The following CCDC144A variants were observed in gnomAD, a reference collection of about 807,000 sequenced individuals.
CCDC144A encodes the protein coiled-coil domain-containing protein 144A.
CCDC144A carries 41 observed loss-of-function variants against 143.8 expected under a neutral mutation model. The ratio of observed to expected loss-of-function variants is 0.29; its 90% CI spans 0.22 to 0.37. The LOEUF is 0.37. Ranked by LOEUF, CCDC144A falls within the 10% of genes least tolerant of loss-of-function variation. The pLI, the probability that CCDC144A is intolerant of heterozygous loss-of-function variation, is 1.00. For synonymous variants in CCDC144A, 242 were observed against 517.9 expected (o/e 0.47, Z 7.23); for missense variants, 637 against 1,488.8 (o/e 0.43, Z 9.41).
chr17:16,670,448 A>G, the CCDC144A span, among the ~76,000 whole-genome samples: 1 of 150,434 alleles, frequency 6.6e-6, no homozygotes, highest in East Asian at 2.0e-4. Context: ...TGTTTTTAGT[A>G]TAATCCCTAT....
intron 12 of CCDC144A, chr17:16,746,208 T>C (rs1201678169): frequency 4.1e-6 from 6 of 1,449,900 alleles, no homozygotes; most frequent in Non-Finnish European, 3.8e-6. Context: ...TTCTGGTTTC[T>C]TAAGAAGCTT....
the CCDC144A span, among the ~76,000 whole-genome samples, chr17:16,674,250 C>T: frequency 6.6e-6 from 1 of 151,816 alleles, no homozygotes; most frequent in Non-Finnish European, 1.5e-5. Context: ...CTCATCTCTA[C>T]AAAAAATTAC....
intron 12 of CCDC144A, among the ~76,000 whole-genome samples, chr17:16,754,009 A>G (rs1914950899): frequency 6.6e-6 from 1 of 152,232 alleles, no homozygotes; most frequent in South Asian, 2.1e-4. Context: ...CAATTACATT[A>G]CCGTTACTGG....
chr17:16,715,310 T>TAAA (rs368911895), intron 6 of CCDC144A, among the ~76,000 whole-genome samples: 9 of 129,074 alleles, frequency 7.0e-5, no homozygotes, highest in African/African-American at 2.6e-4. Context: ...GATTCTCAGG[T>TAAA]AAAAAAAAAA....
intron 12 of CCDC144A, chr17:16,745,956 T>C: frequency 6.2e-7 from 1 of 1,606,664 alleles, no homozygotes; most frequent in South Asian, 1.1e-5. Context: ...GTGAGCTCTG[T>C]GCCTCCTGCC....
In CCDC144A at chr17:16,776,349, C is replaced by T. The variant is rs1916000468; in HGVS notation, c.*2716C>T. The T allele has an allele frequency of 6.6e-6, 1 of 152,114 alleles. No individual in the cohort carries two copies. The highest frequency in any genetic ancestry group is 2.4e-5 in the African/African-American group (1 of 41,356). 9.4% of individuals were successfully genotyped at this position (152,114 alleles called of 1,614,324 possible). ...TCCTGTCTGTGAGCATATGTTTTTC[C>T]ATTTGTTTGTGTCATCTCTGATTTC... On this transcript the variant is annotated 3_prime_UTR_variant, in exon 17 of 17. Coordinates refer to ENST00000399273, the MANE Select transcript of CCDC144A (RefSeq NM_001382000.1).
the CCDC144A span, among the ~76,000 whole-genome samples, chr17:16,670,246 T>A: frequency 0.026 from 3,870 of 151,666 alleles, 160 homozygotes; most frequent in African/African-American, 0.089. Flanking sequence ...TTTTCCTTGA[T>A]CTCTTTGATG....
Position 16,773,992 on chromosome 17 carries a change from G to C in CCDC144A, c.*359G>C, listed in dbSNP as rs1337794263. 5.0e-4 allele frequency: 103 copies of C among 206,436 alleles called. No homozygotes were observed. Among genetic ancestry groups the C allele is most frequent in the Non-Finnish European group, 8.6e-4 (94 of 109,104 alleles). 12.8% of individuals were successfully genotyped at this position (206,436 alleles called of 1,614,324 possible). A position where few individuals can be genotyped will look rare whatever the true frequency, so the allele number is the denominator to read the frequency against. Reference sequence around the variant, plus strand: ...TTAAGTTTAGATAGACATCATTTTGGTATACTGGTACTGTGGTCATTGTCA... The same window carrying C: ...TTAAGTTTAGATAGACATCATTTTGCTATACTGGTACTGTGGTCATTGTCA... On this transcript the variant is annotated 3_prime_UTR_variant, in exon 17 of 17. Transcript: ENST00000399273.
the CCDC144A span, chr17:16,683,989 G>A: frequency 1.9e-6 from 2 of 1,031,122 alleles, no homozygotes; most frequent in African/African-American, 1.6e-5. Flanking sequence ...GACTTCCTGG[G>A]TGGCAGACAA....
intron 1 of CCDC144A, 143 bp from the exon 2 acceptor site, chr17:16,692,836 A>G: frequency 1.8e-6 from 1 of 571,212 alleles, no homozygotes. Flanking sequence ...AAGTTGGTAG[A>G]ACTCACAAAT....
intron 15 of CCDC144A, chr17:16,765,072 C>T (rs2143387965): frequency 1.1e-5 from 1 of 92,428 alleles, no homozygotes; most frequent in African/African-American, 4.9e-5. Context: ...TGTGGTTTCA[C>T]TCAGAGTAAG....
intron 12 of CCDC144A, among the ~76,000 whole-genome samples, chr17:16,750,910 G>A: frequency 6.6e-6 from 1 of 152,084 alleles, no homozygotes; most frequent in South Asian, 2.1e-4. Flanking sequence ...GCTCTGTCGT[G>A]TTTCAACTTT....
chr17:16,710,063 G>A (rs1912310046), intron 5 of CCDC144A: 1 of 195,768 alleles, frequency 5.1e-6, no homozygotes, highest in Admixed American at 5.3e-5. Context: ...GTATCTAGCA[G>A]GCGTGGTGGC....
the CCDC144A span, among the ~76,000 whole-genome samples, chr17:16,676,776 T>G: frequency 0.015 from 2,276 of 152,126 alleles, 51 homozygotes; most frequent in African/African-American, 0.052. Flanking sequence ...AGAGTTGAAT[T>G]ATATTCAAGC....
chr17:16,746,425 G>A (rs1914522249), intron 12 of CCDC144A: 1 of 1,588,210 alleles, frequency 6.3e-7, no homozygotes, highest in African/African-American at 1.4e-5. Flanking sequence ...AAAGAGGTGT[G>A]GTTCTTCTAG....
the CCDC144A span, among the ~76,000 whole-genome samples, chr17:16,674,337 C>A: frequency 6.6e-6 from 1 of 151,822 alleles, no homozygotes; most frequent in East Asian, 1.9e-4. Flanking sequence ...TTGCTGGAGC[C>A]GGAAAAGTTG....
At chr17:16,719,672 G>T (rs1912974097) in intron 6 of CCDC144A, among the ~76,000 whole-genome samples, 1 of 151,770 alleles carries the variant, frequency 6.6e-6, no homozygotes, top group South Asian at 2.1e-4. Context: ...TTGTTATGAG[G>T]ATTATATGAG....
the CCDC144A span, among the ~76,000 whole-genome samples, chr17:16,671,328 G>T: frequency 6.6e-6 from 1 of 151,986 alleles, no homozygotes; most frequent in African/African-American, 2.4e-5. Flanking sequence ...AAAATGATAG[G>T]ATTTAAAATA....
the CCDC144A span, among the ~76,000 whole-genome samples, chr17:16,669,892 T>C: frequency 1.6e-4 from 25 of 152,200 alleles, no homozygotes; most frequent in Non-Finnish European, 3.2e-4. Flanking sequence ...CCAAAAATTA[T>C]AGAAAACTAT....
Sources: allele counts gnomAD v4.1 joint callset (sites outside exome capture counted in the v4.1 genomes callset), GRCh38; gene constraint gnomAD v4.1.1; transcripts MANE v1.5; gene names NCBI Gene and HGNC (gene_info 2026-07-23, HGNC 2026-07-21).